The following KIF18A variants were observed in gnomAD, a reference collection of about 807,000 sequenced individuals.
The protein encoded by KIF18A is kinesin-like protein KIF18A.
In KIF18A, 67 loss-of-function variants were observed where a neutral mutation model predicts 103.3. The ratio of observed to expected loss-of-function variants is 0.65; its 90% CI spans 0.53 to 0.79. The LOEUF (loss-of-function observed/expected upper bound fraction) is 0.79, where lower values mean the gene tolerates loss of function less well. Among genes scored for constraint, KIF18A ranks in the 30% least tolerant of loss-of-function variants. The pLI, the probability that KIF18A is intolerant of heterozygous loss-of-function variation, is 0.00. For synonymous variants in KIF18A, 367 were observed against 355.5 expected, an observed-to-expected ratio of 1.03 and a Z score of -0.36; for missense variants, 1,032 against 1,062.5, an observed-to-expected ratio of 0.97 and a Z score of 0.40.
At chr11:28,068,370 C>A (rs1320372179) in intron 11 of KIF18A, among the ~76,000 whole-genome samples, 3 of 149,056 alleles carry the variant, frequency 2.0e-5, no homozygotes, top group Non-Finnish European at 4.4e-5. Flanking sequence ...CAAACCACCA[C>A]AGCACATCTA....
Position 28,036,494 on chromosome 11 carries a change from G to C in KIF18A, c.2119C>G (p.Pro707Ala). ...SKELQPIVYT[P>A]EDCRKAFQNP... is the part of the protein sequence containing the mutation. ...TGAAAAGCTTTTCTACAGTCTTCTG[G>C]TGTATATACAATAGGCTGAAGTTCT... The change falls in exon 14 of 17, where the codon CCA (proline) becomes GCA (alanine). Residue 707 changes from proline to alanine, a missense_variant. Transcript: ENST00000263181. The C allele has an allele frequency of 6.2e-7, 1 of 1,611,266 alleles. No homozygotes were observed. Among genetic ancestry groups the C allele is most frequent in the Non-Finnish European group, 8.5e-7 (1 of 1,178,222 alleles).
At chr11:28,036,117 T>C (rs2133495951) in intron 14 of KIF18A, 100 bp downstream of exon 14, 2 of 694,680 alleles carry the variant, frequency 2.9e-6, no homozygotes, top group Non-Finnish European at 4.6e-6. Context: ...CAGACTGTTT[T>C]ATAATCAAAA....
At chr11:28,088,172 G>A (rs1851255609) in intron 6 of KIF18A, among the ~76,000 whole-genome samples, 1 of 151,718 alleles carries the variant, frequency 6.6e-6, no homozygotes, top group Non-Finnish European at 1.5e-5. Flanking sequence ...TAAAAATATG[G>A]TTAGTTTGTC....
intron 3 of KIF18A, among the ~76,000 whole-genome samples, chr11:28,093,082 G>A (rs1368728986): frequency 3.3e-5 from 5 of 152,144 alleles, no homozygotes. Context: ...CTGGTGCACA[G>A]CTTGAGTAGA....
rs1252665809 is a variant in KIF18A at position 28,035,188 on chromosome 11, T to C, written c.2504+199A>G. Among the ~76,000 whole-genome samples the C allele has an allele frequency of 1.5e-4, 22 of 151,620 alleles. 1 individual carries two copies. Among genetic ancestry groups the C allele is most frequent in the Non-Finnish European group, 3.0e-5 (2 of 67,772 alleles). On this transcript the variant is annotated intron_variant, in intron 15 of 16. Transcript: ENST00000263181. Reference sequence around the variant, plus strand: ...CTGTAATATGAAATATTTTATAAAATATCAAGTGAAATACTTGAGTTTTTC... The same window carrying C: ...CTGTAATATGAAATATTTTATAAAACATCAAGTGAAATACTTGAGTTTTTC...
chr11:28,030,849 A>G (rs1451666047), intron 15 of KIF18A, among the ~76,000 whole-genome samples: 1 of 149,836 alleles, frequency 6.7e-6, no homozygotes, highest in African/African-American at 2.5e-5. Context: ...AAAACAAACA[A>G]CCCCATCAAA....
At chr11:28,080,348 GTT>G (rs34970405) in intron 9 of KIF18A, among the ~76,000 whole-genome samples, 13 of 138,120 alleles carry the variant, frequency 9.4e-5, no homozygotes, top group East Asian at 2.1e-4. Context: ...TGCAGACACT[GTT>G]TTTTTTTTTT....
intron 15 of KIF18A, among the ~76,000 whole-genome samples, chr11:28,030,932 T>C (rs1850393223): frequency 6.6e-6 from 1 of 150,964 alleles, no homozygotes; most frequent in Admixed American, 6.6e-5. Context: ...CATGAAAAAA[T>C]GCTCATGATC....
At chr11:28,032,223 C>CA (rs1166812788) in intron 15 of KIF18A, among the ~76,000 whole-genome samples, 6 of 151,524 alleles carry the variant, frequency 4.0e-5, no homozygotes. Context: ...AAAGCAGATA[C>CA]AAAAAAATAG....
chr11:28,027,411 C>CT (rs1251199746), intron 15 of KIF18A, among the ~76,000 whole-genome samples: 1 of 151,636 alleles, frequency 6.6e-6, no homozygotes, highest in East Asian at 1.9e-4. Context: ...ATTAACCCGG[C>CT]TTTTGGTTTG....
At chr11:28,072,402 G>C (rs1247069159) in intron 10 of KIF18A, among the ~76,000 whole-genome samples, 1 of 152,060 alleles carries the variant, frequency 6.6e-6, no homozygotes, top group Non-Finnish European at 1.5e-5. Context: ...CCATACTCCA[G>C]AACTATTTAT....
chr11:28,041,367 T>C (rs1850557685), intron 13 of KIF18A, among the ~76,000 whole-genome samples: 1 of 151,684 alleles, frequency 6.6e-6, no homozygotes, highest in Non-Finnish European at 1.5e-5. Flanking sequence ...AGGAGGCAGT[T>C]CTATGAAGAT....
intron 13 of KIF18A, among the ~76,000 whole-genome samples, chr11:28,052,956 T>G (rs765945644): frequency 1.3e-5 from 2 of 152,132 alleles, no homozygotes; most frequent in Non-Finnish European, 2.9e-5. Context: ...TCAACTATAT[T>G]AGTAATGAAT....
At chr11:28,042,349 G>C (rs1339692893) in intron 13 of KIF18A, among the ~76,000 whole-genome samples, 2 of 151,816 alleles carry the variant, frequency 1.3e-5, no homozygotes, top group Admixed American at 1.3e-4. Flanking sequence ...GCACCCTACT[G>C]TCTCTGCATA....
intron 6 of KIF18A, among the ~76,000 whole-genome samples, chr11:28,085,922 A>C (rs1399562143): frequency 6.6e-6 from 1 of 152,218 alleles, no homozygotes; most frequent in African/African-American, 2.4e-5. Context: ...GGTGATGACA[A>C]AGAATCTTAC....
At chr11:28,060,757 C>T (rs1446204953) in intron 12 of KIF18A, among the ~76,000 whole-genome samples, 1 of 152,176 alleles carries the variant, frequency 6.6e-6, no homozygotes, top group African/African-American at 2.4e-5. Context: ...TATGCTAAAA[C>T]ACCTTCTCTC....
chr11:28,093,317 G>C (rs1278725647), intron 3 of KIF18A, among the ~76,000 whole-genome samples: 2 of 151,970 alleles, frequency 1.3e-5, no homozygotes, highest in African/African-American at 2.4e-5. Flanking sequence ...TTATCTATAA[G>C]TTCTAATGAA....
Position 28,062,411 on chromosome 11 carries a change from G to A in KIF18A, c.1696C>T (p.His566Tyr). 3.1e-6 allele frequency: 5 copies of A among 1,610,588 alleles called. No individual in the cohort carries two copies. Among genetic ancestry groups the A allele is most frequent in the Non-Finnish European group, 4.2e-6 (5 of 1,178,068 alleles). The change falls in exon 12 of 17, where the codon CAC (histidine) becomes TAC (tyrosine). Residue 566 changes from histidine (H) to tyrosine (Y), a missense_variant. Transcript: ENST00000263181. ...TGTACTCACGCTTCAGTCTGCCTGT[G>A]TTGCTGTTCCTGAAGACAAGCTAGA... Reference protein sequence around the residue: ...MDLACLQEQQHRQTEAVLNAL... With the variant: ...MDLACLQEQQYRQTEAVLNAL...
chr11:28,026,286 C>A (rs575650102), intron 15 of KIF18A, among the ~76,000 whole-genome samples: 70 of 151,796 alleles, frequency 4.6e-4, no homozygotes, highest in African/African-American at 1.6e-3. Flanking sequence ...ATATAGAGAG[C>A]TTCCCCTTCT....
Sources: gnomAD v4.1 joint callset for allele counts (sites outside exome capture counted in the v4.1 genomes callset) on GRCh38, gnomAD v4.1.1 for gene constraint, MANE v1.5 for transcripts, NCBI Gene and HGNC (gene_info 2026-07-23, HGNC 2026-07-21) for gene names.